DLGAP2: variants seen among roughly 807,000 people sequenced by gnomAD.
DLGAP2 encodes disks large-associated protein 2.
In DLGAP2, 26 loss-of-function variants were observed where a neutral mutation model predicts 100.3. The ratio of observed to expected loss-of-function variants is 0.26; its 90% CI spans 0.19 to 0.36. The LOEUF is 0.36. DLGAP2 is among the 10% of genes least tolerant of loss of function. DLGAP2 has a pLI of 1.00. For missense variants in DLGAP2, 1,858 were observed against 1,453.2 expected (o/e 1.28, Z -4.53); for synonymous variants, 886 against 630.1 (o/e 1.41, Z -6.08).
chr8:1,442,119 A>G (rs1403537488), intron 3 of DLGAP2, among the ~76,000 whole-genome samples: 2 of 152,248 alleles, frequency 1.3e-5, no homozygotes, highest in Admixed American at 6.5e-5. Context: ...GCTAGGAGAC[A>G]GATCCAGGCA....
chr8:1,693,695 C>T (rs1315436543), intron 13 of DLGAP2, among the ~76,000 whole-genome samples: 1 of 152,106 alleles, frequency 6.6e-6, no homozygotes, highest in Non-Finnish European at 1.5e-5. Context: ...AAAAGTATGC[C>T]TTCTCTAATA....
At chr8:1,039,819 T>C (rs1802265208) in intron 2 of DLGAP2, among the ~76,000 whole-genome samples, 1 of 148,020 alleles carries the variant, frequency 6.8e-6, no homozygotes, top group Non-Finnish European at 1.5e-5. Context: ...GTCGGCTCGG[T>C]GTGCATGGTC....
chr8:864,777 C>A (rs1247754961), intron 1 of DLGAP2, among the ~76,000 whole-genome samples: 1 of 151,766 alleles, frequency 6.6e-6, no homozygotes, highest in East Asian at 1.9e-4. Flanking sequence ...CAGGGTCCTG[C>A]GTTAACACTG....
chr8:1,270,522 A>G (rs1256748941), intron 3 of DLGAP2, among the ~76,000 whole-genome samples: 1 of 152,216 alleles, frequency 6.6e-6, no homozygotes, highest in Non-Finnish European at 1.5e-5. Flanking sequence ...CTCTAAGCCC[A>G]GCGGACAGAG....
chr8:1,172,171 G>C (rs1362968544), intron 2 of DLGAP2, among the ~76,000 whole-genome samples: 1 of 151,792 alleles, frequency 6.6e-6, no homozygotes. Flanking sequence ...ATGAAATTCT[G>C]GGTTGAAAAT....
chr8:861,187 T>C (rs1797383055), intron 1 of DLGAP2, among the ~76,000 whole-genome samples: 1 of 147,980 alleles, frequency 6.8e-6, no homozygotes, highest in South Asian at 2.2e-4. Flanking sequence ...TTTTGGACAT[T>C]GTTCCCTACA....
intron 1 of DLGAP2, among the ~76,000 whole-genome samples, chr8:864,407 C>T (rs1797451808): frequency 1.3e-5 from 2 of 152,318 alleles, no homozygotes; most frequent in Middle Eastern, 3.4e-3. Flanking sequence ...TTGTCCATTG[C>T]ACAAAGTCTC....
chr8:1,682,820 G>C (rs1012731535), intron 12 of DLGAP2, among the ~76,000 whole-genome samples: 1 of 151,566 alleles, frequency 6.6e-6, no homozygotes, highest in Non-Finnish European at 1.5e-5. Context: ...TTAGGCATCT[G>C]AAAAACTATT....
At position 1,606,965 on chromosome 8, in the gene DLGAP2, G is replaced by A. The variant is rs143704775; in HGVS notation, c.1443-19775G>A. ...CTCCCAAAGTGCTGGGATTACAGGC[G>A]TGAGCCACAGCACCCGGCCTCCTGT... On this transcript the variant is annotated intron_variant, in intron 6 of 14. Transcript: ENST00000637795. 5.3e-3 allele frequency among the ~76,000 whole-genome samples: 807 copies of A among 152,280 alleles called. 4 individuals carry two copies. The highest frequency in any genetic ancestry group is 0.013 in the Admixed American group (195 of 15,292).
chr8:802,795 C>A (rs1301758934), intron 1 of DLGAP2, among the ~76,000 whole-genome samples: 2 of 152,182 alleles, frequency 1.3e-5, no homozygotes, highest in Non-Finnish European at 2.9e-5. Context: ...CCCAAGTACC[C>A]GTTTTCACCC....
intron 1 of DLGAP2, among the ~76,000 whole-genome samples, chr8:759,802 G>T (rs145266953): frequency 6.6e-6 from 1 of 152,190 alleles, no homozygotes; most frequent in Non-Finnish European, 1.5e-5. Context: ...GAATTGAAAC[G>T]TTGCTTTTAG....
At chr8:1,408,426 C>T (rs1584867876) in intron 3 of DLGAP2, among the ~76,000 whole-genome samples, 1 of 142,498 alleles carries the variant, frequency 7.0e-6, no homozygotes, top group East Asian at 2.2e-4. Flanking sequence ...TCACCTGGGG[C>T]CTTGCGTAAT....
chr8:1,449,152 G>A (rs1798068026), intron 3 of DLGAP2, among the ~76,000 whole-genome samples: 1 of 152,162 alleles, frequency 6.6e-6, no homozygotes, highest in African/African-American at 2.4e-5. Flanking sequence ...TTCCCCTGAT[G>A]GGGAAAGTCA....
chr8:1,360,582 C>T (rs561155284), intron 3 of DLGAP2, among the ~76,000 whole-genome samples: 20 of 152,246 alleles, frequency 1.3e-4, no homozygotes, highest in African/African-American at 3.9e-4. Flanking sequence ...GCAGGTACCC[C>T]GAAAAGCACA....
At chr8:1,360,573 C>T (rs918152978) in intron 3 of DLGAP2, among the ~76,000 whole-genome samples, 111 of 152,272 alleles carry the variant, frequency 7.3e-4, no homozygotes, top group Non-Finnish European at 1.5e-3. Context: ...GCTGGGCTGG[C>T]AGGTACCCCG....
chr8:1,547,232 T>C lies in DLGAP2; in HGVS notation c.173-1394T>C, dbSNP rs1158488252. On this transcript the variant is annotated intron_variant, in intron 4 of 14. Coordinates refer to ENST00000637795, the MANE Select transcript of DLGAP2 (RefSeq NM_001346810.2). ...AGAGCTTGGACGTCTGGTCTGGGCC[T>C]GGCACTGCTGCGGGATGGCCCGTGG... 2.6e-5 allele frequency among the ~76,000 whole-genome samples: 4 copies of C among 152,196 alleles called. No homozygotes were observed. In the East Asian group the frequency reaches 7.7e-4, roughly 29 times the overall value.
chr8:909,161 G>C (rs1406689360), intron 2 of DLGAP2, among the ~76,000 whole-genome samples: 1 of 152,218 alleles, frequency 6.6e-6, no homozygotes, highest in Non-Finnish European at 1.5e-5. Flanking sequence ...CTACGAGTTT[G>C]AGCATATCTG....
intron 5 of DLGAP2, among the ~76,000 whole-genome samples, chr8:1,551,547 G>A (rs554040008): frequency 6.6e-6 from 1 of 152,222 alleles, no homozygotes; most frequent in African/African-American, 2.4e-5. Context: ...CCAGGAACAC[G>A]CTTCTCTCTG....
chr8:1,062,741 G>A (rs924423749), intron 2 of DLGAP2, among the ~76,000 whole-genome samples: 1 of 152,142 alleles, frequency 6.6e-6, no homozygotes, highest in African/African-American at 2.4e-5. Context: ...GTAGTTGGGG[G>A]GAGACTAGTA....
Sources: gnomAD v4.1 joint callset for allele counts (sites outside exome capture counted in the v4.1 genomes callset) on GRCh38, gnomAD v4.1.1 for gene constraint, MANE v1.5 for transcripts, NCBI Gene and HGNC (gene_info 2026-07-23, HGNC 2026-07-21) for gene names.